WDR70: variants seen among roughly 807,000 people sequenced by gnomAD.
WDR70 encodes the protein WD repeat domain 70, also known as WD repeat-containing protein 70.
A neutral mutation model predicts 88.6 loss-of-function variants in WDR70; 53 were observed. The ratio of observed to expected loss-of-function variants is 0.60; its 90% CI spans 0.48 to 0.75. WDR70 has a LOEUF of 0.75. Ranked by LOEUF, WDR70 falls within the 30% of genes least tolerant of loss-of-function variation. The pLI is 0.00. For synonymous variants in WDR70, 280 were observed against 270.0 expected (o/e 1.04, Z -0.36); for missense variants, 610 against 823.2 (o/e 0.74, Z 3.17).
intron 9 of WDR70, among the ~76,000 whole-genome samples, chr5:37,573,028 A>G (rs1379177811): frequency 1.3e-4 from 19 of 151,740 alleles, no homozygotes. Flanking sequence ...TCTTATTTTC[A>G]CTCTTCTGAC....
intron 8 of WDR70, among the ~76,000 whole-genome samples, chr5:37,483,101 G>GCTTTTT (rs1270855677): frequency 2.2e-4 from 29 of 129,870 alleles, no homozygotes; most frequent in Non-Finnish European, 3.9e-4. Flanking sequence ...AGTGGTCTCA[G>GCTTTTT]TTTTTTTTTT....
chr5:37,507,475 T>C (rs1434231330), intron 8 of WDR70, among the ~76,000 whole-genome samples: 1 of 152,224 alleles, frequency 6.6e-6, no homozygotes, highest in Admixed American at 6.5e-5. Flanking sequence ...ATTGTATGTT[T>C]GAACCTATCA....
chr5:37,740,289 T>C (rs779587120), intron 17 of WDR70, among the ~76,000 whole-genome samples: 2 of 152,200 alleles, frequency 1.3e-5, no homozygotes, highest in African/African-American at 4.8e-5. Context: ...TTTTAAAATA[T>C]TTCTCATATG....
chr5:37,689,435 G>A (rs1009028350), intron 10 of WDR70, among the ~76,000 whole-genome samples: 1 of 152,164 alleles, frequency 6.6e-6, no homozygotes, highest in African/African-American at 2.4e-5. Flanking sequence ...CTCCCAGTAG[G>A]GGCCGACAGA....
rs138142423 is a variant in WDR70, at chr5:37,408,218, T to C, written c.492+11648T>C. Among the ~76,000 whole-genome samples the C allele has an allele frequency of 2.7e-3, 410 of 152,228 alleles. 1 individual carries two copies. The highest frequency in any genetic ancestry group is 4.8e-3 in the Non-Finnish European group (329 of 68,010). On this transcript the variant is annotated intron_variant, in intron 5 of 17. Coordinates refer to ENST00000265107, the MANE Select transcript of WDR70 (RefSeq NM_018034.4). ...CAAGCGCAGTGGCTCATGCCTGTAA[T>C]CCCAGCACTTTGGAAGCCTGAGGTG...
chr5:37,558,166 G>A (rs972570137), intron 9 of WDR70, among the ~76,000 whole-genome samples: 3 of 151,936 alleles, frequency 2.0e-5, no homozygotes, highest in African/African-American at 4.8e-5. Flanking sequence ...CCTTCTGAAT[G>A]TACCTTCAAC....
chr5:37,653,696 A>G (rs769402820), intron 10 of WDR70, among the ~76,000 whole-genome samples: 6 of 152,078 alleles, frequency 3.9e-5, no homozygotes, highest in Non-Finnish European at 7.4e-5. Flanking sequence ...GAATTTGGCT[A>G]TTTCTTCTAG....
intron 8 of WDR70, chr5:37,505,771 C>G: frequency 2.9e-6 from 4 of 1,403,408 alleles, no homozygotes; most frequent in Non-Finnish European, 4.0e-6. Context: ...CTCAAGTTGG[C>G]TTCTTGAAGA....
chr5:37,707,842 A>G lies in WDR70; in HGVS notation c.1416+4755A>G, dbSNP rs543511421. 8.2e-5 allele frequency among the ~76,000 whole-genome samples: 12 copies of G among 145,936 alleles called. No homozygotes were observed. In the East Asian group the frequency reaches 2.6e-3, roughly 32 times the overall value. On this transcript the variant is annotated intron_variant, in intron 13 of 17. Coordinates refer to ENST00000265107, the MANE Select transcript of WDR70 (RefSeq NM_018034.4). ...GGCAGGAGAATAGCTTGAACCTGGG[A>G]GGCAGAGGTTGCGGTGAGCTGAGAT... is the stretch of plus-strand genomic sequence containing the variant.
chr5:37,684,197 C>A (rs977335043), intron 10 of WDR70, among the ~76,000 whole-genome samples: 1 of 152,072 alleles, frequency 6.6e-6, no homozygotes, highest in African/African-American at 2.4e-5. Context: ...GTTCCTGTAT[C>A]ATTTTGTTGT....
At chr5:37,675,549 T>C (rs1385772206) in intron 10 of WDR70, among the ~76,000 whole-genome samples, 3 of 152,220 alleles carry the variant, frequency 2.0e-5, no homozygotes, top group East Asian at 3.9e-4. Context: ...GTTGTAGATA[T>C]GCAGCATTAT....
chr5:37,510,973 G>C (rs1027749730), intron 8 of WDR70, among the ~76,000 whole-genome samples: 15 of 152,312 alleles, frequency 9.8e-5, no homozygotes, highest in African/African-American at 3.4e-4. Context: ...GCTTCAGTTT[G>C]TCCTTGCATT....
At chr5:37,645,301 A>G (rs183446166) in intron 10 of WDR70, among the ~76,000 whole-genome samples, 2 of 151,934 alleles carry the variant, frequency 1.3e-5, no homozygotes, top group Admixed American at 6.5e-5. Flanking sequence ...ATCATTTCCA[A>G]ATTCCCCTTG....
chr5:37,485,737 G>T (rs571833095), intron 8 of WDR70, among the ~76,000 whole-genome samples: 5 of 151,932 alleles, frequency 3.3e-5, no homozygotes, highest in Non-Finnish European at 7.4e-5. Flanking sequence ...TGTTGCTCAG[G>T]CTGGAGTGCA....
intron 5 of WDR70, among the ~76,000 whole-genome samples, chr5:37,416,641 G>C (rs115118655): frequency 0.039 from 5,870 of 151,442 alleles, 143 homozygotes; most frequent in South Asian, 0.074. Context: ...GTGCAATGGG[G>C]TGATATCGGC....
At chr5:37,657,043 T>G (rs536374600) in intron 10 of WDR70, among the ~76,000 whole-genome samples, 1 of 152,228 alleles carries the variant, frequency 6.6e-6, no homozygotes, top group South Asian at 2.1e-4. Context: ...CACCAGGGTA[T>G]GAAAAGAAAC....
intron 9 of WDR70, among the ~76,000 whole-genome samples, chr5:37,574,614 C>T (rs186548182): frequency 2.4e-4 from 36 of 152,250 alleles, no homozygotes; most frequent in Non-Finnish European, 3.8e-4. Flanking sequence ...CTGCCCACTC[C>T]GCTGACCTCC....
chr5:37,673,679 G>A lies in WDR70; in HGVS notation c.1093-23976G>A, dbSNP rs1327927508. On this transcript the variant is annotated intron_variant, in intron 10 of 17. Coordinates refer to ENST00000265107, the MANE Select transcript of WDR70 (RefSeq NM_018034.4). ...AGGTTTGTTACATAGGTAAATATGT[G>A]CCATGGTTATTGGCTGCACAGATCA... Among the ~76,000 whole-genome samples, 8 of 137,956 alleles carry A rather than the reference G, an allele frequency of 5.8e-5. No homozygotes were observed. The Admixed American group carries it at 6.7e-4, about 11-fold the overall frequency. 90.5% of individuals were successfully genotyped at this position (137,956 alleles called of 152,430 possible).
At chr5:37,521,221 G>A (rs1333496947) in intron 9 of WDR70, among the ~76,000 whole-genome samples, 2 of 152,200 alleles carry the variant, frequency 1.3e-5, no homozygotes, top group African/African-American at 4.8e-5. Flanking sequence ...TCCAGGCTGT[G>A]TAAATTAGAA....
Sources: allele counts gnomAD v4.1 joint callset (sites outside exome capture counted in the v4.1 genomes callset), GRCh38; gene constraint gnomAD v4.1.1; transcripts MANE v1.5; gene names NCBI Gene and HGNC (gene_info 2026-07-23, HGNC 2026-07-21).